The following DYSF variants were observed in gnomAD, a reference collection of about 807,000 sequenced individuals.
The protein encoded by DYSF is dystrophy-associated fer-1-like 1.
In DYSF, 212 loss-of-function variants were observed where a neutral mutation model predicts 274.9. The observed-to-expected ratio is 0.77, with a 90% CI of 0.69 to 0.86. DYSF has a LOEUF of 0.86. DYSF is among the 40% of genes least tolerant of loss of function. The pLI is 0.00. For missense variants in DYSF, 2,666 were observed against 2,783.2 expected (o/e 0.96, Z 0.95); for synonymous variants, 1,091 against 1,078.7 (o/e 1.01, Z -0.22).
intron 41 of DYSF, 88 bp downstream of exon 41, chr2:71,620,697 G>A (rs2094075900): frequency 1.5e-6 from 2 of 1,340,754 alleles, no homozygotes; most frequent in Non-Finnish European, 2.1e-6. Context: ...GGAGGGGAGA[G>A]TGGGAGGGAA....
At position 71,568,268 on chromosome 2, in the gene DYSF, C is replaced by T. The variant is rs754373050; in HGVS notation, c.2794C>T (p.Pro932Ser). The stretch of plus-strand genomic sequence containing the variant: ...TGACGTCACGGGCAAGATCAAGCTA[C>T]CCAAGGACAGCTTCCGCCCCTCGGC... Reference protein sequence around the residue: ...FSDVTGKIKLPKDSFRPSAGW... With the variant: ...FSDVTGKIKLSKDSFRPSAGW... Residue 932 changes from proline (P) to serine (S), a missense_variant, in exon 26 of 56, where the codon CCC becomes TCC. Pro to Ser is a moderately conservative substitution (Grantham distance 74, BLOSUM62 -1). This residue lies in a region of DYSF where 412 missense variants were observed against 504.0 expected (regional missense o/e 0.82). Transcript: ENST00000410020. 6.2e-7 allele frequency: 1 copy of T among 1,614,252 alleles called. No homozygotes were observed. Among genetic ancestry groups the T allele is most frequent in the Non-Finnish European group, 8.5e-7 (1 of 1,180,050 alleles).
intron 47 of DYSF, among the ~76,000 whole-genome samples, chr2:71,666,369 G>A (rs1162848644): frequency 6.6e-6 from 1 of 152,246 alleles, no homozygotes; most frequent in Non-Finnish European, 1.5e-5. Context: ...TAGGGGCAGA[G>A]CCAGGTTCCT....
chr2:71,513,391 C>T, intron 6 of DYSF, 59 bp downstream of exon 6: 1 of 1,512,604 alleles, frequency 6.6e-7, no homozygotes, highest in South Asian at 1.2e-5. Context: ...GTCTCACTAG[C>T]TGCCATGGTC....
At chr2:71,571,354 A>T (rs1214502017) in intron 29 of DYSF, among the ~76,000 whole-genome samples, 1 of 149,480 alleles carries the variant, frequency 6.7e-6, no homozygotes, top group Non-Finnish European at 1.5e-5. Flanking sequence ...GCACACCCAC[A>T]GATCACACCC....
At position 71,615,022 on chromosome 2, in the gene DYSF, G is replaced by T. The variant is rs1246800321; in HGVS notation, c.4464+1612G>T. On this transcript the variant is annotated intron_variant, in intron 40 of 55. Coordinates refer to ENST00000410020, the MANE Select transcript of DYSF (RefSeq NM_001130987.2). This position sits in a 1 kb window ranked among gnomAD's most constrained non-coding sequence, Gnocchi z 4.9. ...CCGGCTGCTCCATGGGCCTGTCTGA[G>T]ATTGTGCAGGGAAGTGCAGGGCCTG... 6.6e-6 allele frequency among the ~76,000 whole-genome samples: 1 copy of T among 152,192 alleles called. No individual in the cohort carries two copies. Among genetic ancestry groups the T allele is most frequent in the East Asian group, 1.9e-4 (1 of 5,184 alleles).
chr2:71,569,166 G>A (rs1574051189), intron 26 of DYSF, among the ~76,000 whole-genome samples: 1 of 152,314 alleles, frequency 6.6e-6, no homozygotes, highest in East Asian at 1.9e-4. Context: ...GAGCCACCGC[G>A]CCTGGCCCAG....
intron 1 of DYSF, among the ~76,000 whole-genome samples, chr2:71,457,472 C>A: frequency 6.6e-6 from 1 of 152,254 alleles, no homozygotes. Flanking sequence ...TTGGATTTAC[C>A]AAAGACAAGC....
intron 29 of DYSF, among the ~76,000 whole-genome samples, chr2:71,571,417 G>A (rs1196599910): frequency 9.6e-6 from 1 of 103,712 alleles, no homozygotes; most frequent in Non-Finnish European, 1.9e-5. Context: ...AGCACACACA[G>A]ATCACAGTCA....
chr2:71,659,127 C>G (rs1573011302), intron 44 of DYSF, 94 bp downstream of exon 44: 3 of 1,539,918 alleles, frequency 1.9e-6, no homozygotes, highest in East Asian at 4.6e-5. Flanking sequence ...TCAGGGAGTT[C>G]ATAGTAGGTT....
intron 22 of DYSF, among the ~76,000 whole-genome samples, chr2:71,556,485 GA>G (rs751213084): frequency 3.2e-4 from 48 of 152,166 alleles, no homozygotes; most frequent in Non-Finnish European, 6.0e-4. Flanking sequence ...TTGACTTCAG[GA>G]AAAAAGGGCC....
chr2:71,658,726 GC>G, intron 43 of DYSF, 151 bp from the exon 44 acceptor site: 1 of 842,868 alleles, frequency 1.2e-6, no homozygotes, highest in Non-Finnish European at 1.9e-6. Flanking sequence ...GGAAAGACTG[GC>G]CCCCATGATT....
At chr2:71,632,529 T>C (rs2152910925) in intron 41 of DYSF, among the ~76,000 whole-genome samples, 1 of 152,286 alleles carries the variant, frequency 6.6e-6, no homozygotes, top group South Asian at 2.1e-4. Flanking sequence ...AAATAGTTTT[T>C]CTCTTAAGTA....
At chr2:71,602,084 G>A (rs538672096) in intron 35 of DYSF, among the ~76,000 whole-genome samples, 7 of 152,222 alleles carry the variant, frequency 4.6e-5, no homozygotes, top group African/African-American at 1.4e-4. Context: ...CTTCCTGGAC[G>A]GGGGCTTCAT....
At chr2:71,491,830 T>C (rs2083880839) in intron 3 of DYSF, among the ~76,000 whole-genome samples, 1 of 152,220 alleles carries the variant, frequency 6.6e-6, no homozygotes, top group African/African-American at 2.4e-5. Flanking sequence ...GCATTTAGGT[T>C]GATTCTATGT....
rs372735841 is a variant in DYSF at position 71,513,254 on chromosome 2, C to A, written c.475C>A (p.Arg159=). ...CCACAAGACAGGCGGGGGACAGAGC[C>A]GGGCCGAGACTTGGTCCCTGCTCAG... ...LDVVAGGGQS[R]AETWSLLSDS... Residue 159 remains arginine, a synonymous_variant, in exon 6 of 56, where the codon CGG becomes AGG. Transcript: ENST00000410020. 6 of 1,551,460 alleles carry A rather than the reference C, an allele frequency of 3.9e-6. No individual in the cohort carries two copies. Among genetic ancestry groups the A allele is most frequent in the Non-Finnish European group, 5.2e-6 (6 of 1,146,974 alleles).
At chr2:71,621,103 TC>T (rs1252811577) in intron 41 of DYSF, among the ~76,000 whole-genome samples, 1 of 152,068 alleles carries the variant, frequency 6.6e-6, no homozygotes, top group African/African-American at 2.4e-5. Context: ...CCAGCAGGGC[TC>T]CTTTCTGCTT....
Position 71,469,131 on chromosome 2 carries a change from C to G in DYSF, c.91+2198C>G, listed in dbSNP as rs139674399. 3.1e-3 allele frequency among the ~76,000 whole-genome samples: 470 copies of G among 152,280 alleles called. 3 individuals carry two copies. The highest frequency in any genetic ancestry group is 0.011 in the African/African-American group (458 of 41,538). Reference sequence around the variant, plus strand: ...ATACCCGATGCAGGTTATTTTGGAACCGCATCTTGGGAAAAATGGGTCTGA... The same window carrying G: ...ATACCCGATGCAGGTTATTTTGGAAGCGCATCTTGGGAAAAATGGGTCTGA... On this transcript the variant is annotated intron_variant, in intron 1 of 55. Transcript: ENST00000410020.
chr2:71,598,800 G>A (rs1034957010), intron 33 of DYSF, 55 bp downstream of exon 33: 5 of 1,596,580 alleles, frequency 3.1e-6, no homozygotes, highest in African/African-American at 1.3e-5. Flanking sequence ...CATGTGCAAA[G>A]GTGGGGTCTC....
rs61396446 is a variant in DYSF at position 71,532,830 on chromosome 2, T to TTCTATCTATCTA, written c.1381-2152_1381-2141dup. Among the ~76,000 whole-genome samples, 808 of 147,542 alleles carry TTCTATCTATCTA rather than the reference T, an allele frequency of 5.5e-3. 4 individuals carry two copies. The highest frequency in any genetic ancestry group is 0.014 in the Middle Eastern group (4 of 282). ...ATTTTTGAATTAGGTAGTACATTTATTCTATCTATCTATCTATCTATCTAT... is the reference window on the plus strand; with the variant it reads ...ATTTTTGAATTAGGTAGTACATTTATTCTATCTATCTATCTATCTATCTATCTATCTATCTAT... On this transcript the variant is annotated intron_variant, in intron 14 of 55. Coordinates refer to ENST00000410020, the MANE Select transcript of DYSF (RefSeq NM_001130987.2).
Sources: gnomAD v4.1 joint callset for allele counts (sites outside exome capture counted in the v4.1 genomes callset) on GRCh38, gnomAD v4.1.1 for gene constraint, gnomAD v4.1.1 regional missense constraint, Gnocchi (gnomAD v3.1) non-coding constraint, MANE v1.5 for transcripts, NCBI Gene and HGNC (gene_info 2026-07-23, HGNC 2026-07-21) for gene names.